The following INKA2 variants were observed in gnomAD, a reference collection of about 807,000 sequenced individuals.
INKA2 encodes the protein PAK4-inhibitor INKA2.
Under a neutral mutation model 9.8 loss-of-function variants are expected in INKA2, and 3 were observed. The observed-to-expected ratio is 0.31, with a 90% confidence interval of 0.14 to 0.79. The LOEUF is 0.79. Among genes scored for constraint, INKA2 ranks in the 30% least tolerant of loss-of-function variants. INKA2 has a pLI of 0.62. For synonymous variants in INKA2, 147 were observed against 143.3 expected, an observed-to-expected ratio of 1.03 and a Z score of -0.18; for missense variants, 392 against 384.4, an observed-to-expected ratio of 1.02 and a Z score of -0.17.
rs1268558638 is a variant in INKA2 at position 111,723,196 on chromosome 1, G to A, written c.*3772C>T. On this transcript the variant is annotated 3_prime_UTR_variant, in exon 2 of 2. Coordinates refer to ENST00000357260, the MANE Select transcript of INKA2 (RefSeq NM_019099.5). The stretch of plus-strand genomic sequence containing the variant: ...GTGCTCTTGCTCTTGTCCAGACCAC[G>A]TAGGAAACGATGGTGTGACTTGGGA... 2.3e-5 allele frequency: 14 copies of A among 622,034 alleles called. No individual in the cohort carries two copies. The highest frequency in any genetic ancestry group is 3.7e-5 in the Non-Finnish European group (13 of 346,916). 38.5% of individuals were successfully genotyped at this position (622,034 alleles called of 1,614,324 possible).
At chr1:111,755,387 C>A (rs1034634281) in intron 1 of INKA2, 4 of 450,332 alleles carry the variant, frequency 8.9e-6, no homozygotes, top group Non-Finnish European at 1.6e-5. Flanking sequence ...GACACACCAG[C>A]CAATGTGGTA....
chr1:111,736,125 C>T (rs772195161), intron 1 of INKA2, among the ~76,000 whole-genome samples: 3 of 152,184 alleles, frequency 2.0e-5, no homozygotes, highest in East Asian at 1.9e-4. Context: ...CCCTCTTTGG[C>T]GGCTGGAGGG....
At chr1:111,741,598 ACAC>A (rs1365455031), upstream of INKA2, among the ~76,000 whole-genome samples, 1 of 152,212 alleles carries the variant, frequency 6.6e-6, no homozygotes, top group Non-Finnish European at 1.5e-5. Flanking sequence ...ATGGGGACAA[ACAC>A]CACAAAAGGG....
At chr1:111,748,078 T>C (rs769670411) in intron 1 of INKA2, among the ~76,000 whole-genome samples, 23 of 152,214 alleles carry the variant, frequency 1.5e-4, no homozygotes, top group Non-Finnish European at 2.9e-4. Context: ...GGGAGAGTAA[T>C]ATGAAGATGT....
chr1:111,749,635 CCTTA>C (rs1032855051), intron 1 of INKA2, among the ~76,000 whole-genome samples: 2 of 152,132 alleles, frequency 1.3e-5, no homozygotes, highest in African/African-American at 4.8e-5. Flanking sequence ...CAAGGGAAGC[CCTTA>C]CTTAGGGTGA....
intron 1 of INKA2, 131 bp downstream of exon 1, chr1:111,739,055 G>C: frequency 1.2e-6 from 1 of 825,184 alleles, no homozygotes; most frequent in Non-Finnish European, 2.0e-6. Context: ...CTGCGGGCCC[G>C]CGTCCTCTCC....
intron 1 of INKA2, chr1:111,753,992 G>A (rs926464836): frequency 6.6e-6 from 1 of 152,216 alleles, no homozygotes; most frequent in African/African-American, 2.4e-5. Flanking sequence ...CAGCACCTGT[G>A]GGGTACATGG....
Position 111,726,494 on chromosome 1 carries a change from G to A in INKA2, c.*474C>T, listed in dbSNP as rs1662773230. ...CCTGGAGCAATGTCTTGCCAAAGAA[G>A]CTGACAGAAGGTTGGGAGAGCCATA... On this transcript the variant is annotated 3_prime_UTR_variant, in exon 2 of 2. Coordinates refer to ENST00000357260, the MANE Select transcript of INKA2 (RefSeq NM_019099.5). The A allele has an allele frequency of 5.2e-6, 1 of 191,940 alleles. No homozygotes were observed. Among genetic ancestry groups the A allele is most frequent in the Non-Finnish European group, 1.1e-5 (1 of 94,556 alleles). The allele number at this position is 191,940 out of a possible 1,614,324, so 11.9% of individuals were successfully genotyped here. A position where few individuals can be genotyped will look rare whatever the true frequency, so the allele number is the denominator to read the frequency against.
rs1463259180 is a variant in INKA2, at chr1:111,726,245, T to G, written c.*723A>C. 5.1e-6 allele frequency: 2 copies of G among 390,844 alleles called. No homozygotes were observed. Among genetic ancestry groups the G allele is most frequent in the Non-Finnish European group, 9.0e-6 (2 of 221,520 alleles). The allele number at this position is 390,844 out of a possible 1,614,324, so 24.2% of individuals were successfully genotyped here. On this transcript the variant is annotated 3_prime_UTR_variant, in exon 2 of 2. Transcript: ENST00000357260. The stretch of plus-strand genomic sequence containing the variant: ...TGAGACCATGGAGATGAAAAGGCAT[T>G]CAAACAGCCCAGTGCTATGTCAACA...
intron 1 of INKA2, among the ~76,000 whole-genome samples, chr1:111,732,553 A>G (rs1356490130): frequency 1.4e-5 from 2 of 141,252 alleles, no homozygotes; most frequent in Non-Finnish European, 3.0e-5. Flanking sequence ...ACCCACTCCT[A>G]GTCTCTCTCT....
At chr1:111,748,101 G>A (rs1287614473) in intron 1 of INKA2, among the ~76,000 whole-genome samples, 1 of 152,258 alleles carries the variant, frequency 6.6e-6, no homozygotes, top group African/African-American at 2.4e-5. Flanking sequence ...CAATGGCCTT[G>A]TGACCTTGTA....
intron 1 of INKA2, chr1:111,755,427 C>T: frequency 1.9e-6 from 1 of 519,182 alleles, no homozygotes. Flanking sequence ...CTACGTTCTG[C>T]GCGCTCTCTG....
At position 111,733,529 on chromosome 1, in the gene INKA2, G is replaced by A. The variant is rs559167905; in HGVS notation, c.57+5657C>T. ...ACCACCAGATGGGGAGGAAGAACGT[G>A]AAGTCATCCTTTTGAGGGACTCCGA... is the stretch of plus-strand genomic sequence containing the variant. On this transcript the variant is annotated intron_variant, in intron 1 of 1. Transcript: ENST00000357260. 1.4e-3 allele frequency among the ~76,000 whole-genome samples: 217 copies of A among 152,342 alleles called. 5 individuals are homozygous for A. Among genetic ancestry groups the A allele is most frequent in the Non-Finnish European group, 1.2e-3 (82 of 68,038 alleles).
intron 1 of INKA2, chr1:111,755,314 G>A (rs1663514286): frequency 4.0e-6 from 1 of 248,268 alleles, no homozygotes; most frequent in East Asian, 9.0e-5. Flanking sequence ...TGTGCGCCAG[G>A]GACTTGCTAG....
intron 1 of INKA2, chr1:111,753,897 G>A (rs1024940750): frequency 2.6e-5 from 4 of 152,228 alleles, no homozygotes; most frequent in Non-Finnish European, 5.9e-5. Context: ...AATAAAAAAG[G>A]GTATCAAAAG....
intron 1 of INKA2, chr1:111,755,375 T>C (rs2101409563): frequency 2.4e-6 from 1 of 423,306 alleles, no homozygotes; most frequent in Non-Finnish European, 4.2e-6. Context: ...GCACAGCAGA[T>C]GGACACACCA....
chr1:111,746,077 T>C (rs373203534), intron 1 of INKA2: 1 of 152,236 alleles, frequency 6.6e-6, no homozygotes, highest in African/African-American at 2.4e-5. Flanking sequence ...AGAATTCTCG[T>C]AGCTGTGATT....
chr1:111,755,480 G>C (rs1663517961), intron 1 of INKA2: 3 of 576,114 alleles, frequency 5.2e-6, no homozygotes, highest in Non-Finnish European at 9.1e-6. Flanking sequence ...AGCGGGTAGC[G>C]TTGGGGAAGA....
chr1:111,751,303 C>T (rs1663407181), intron 1 of INKA2, among the ~76,000 whole-genome samples: 1 of 152,210 alleles, frequency 6.6e-6, no homozygotes, highest in Admixed American at 6.5e-5. Flanking sequence ...AAGCTGTTTT[C>T]CTCAGTTTCT....
Sources: gnomAD v4.1 joint callset for allele counts (sites outside exome capture counted in the v4.1 genomes callset) on GRCh38, gnomAD v4.1.1 for gene constraint, MANE v1.5 for transcripts, NCBI Gene and HGNC (gene_info 2026-07-23, HGNC 2026-07-21) for gene names.